PELI2: variants seen among roughly 807,000 people sequenced by gnomAD.
PELI2 encodes pellino E3 ubiquitin protein ligase family member 2.
In PELI2, 23 loss-of-function variants were observed where a neutral mutation model predicts 42.3. That is an observed-to-expected ratio of 0.54 (90% CI 0.39 to 0.77). The LOEUF is 0.77. Ranked by LOEUF, PELI2 falls within the 30% of genes least tolerant of loss-of-function variation. The pLI is 0.00. For missense variants in PELI2, 463 were observed against 553.2 expected (o/e 0.84, Z 1.64); for synonymous variants, 245 against 212.2 (o/e 1.15, Z -1.34).
chr14:56,123,467 T>C (rs1279098175), intron 1 of PELI2, among the ~76,000 whole-genome samples: 1 of 152,208 alleles, frequency 6.6e-6, no homozygotes, highest in Non-Finnish European at 1.5e-5. Context: ...TCTGTTTGTG[T>C]GGATGGAGTG....
At chr14:56,157,629 AG>A (rs1884615710) in intron 1 of PELI2, among the ~76,000 whole-genome samples, 2 of 152,236 alleles carry the variant, frequency 1.3e-5, no homozygotes, top group African/African-American at 4.8e-5. Flanking sequence ...ATAGCAATTA[AG>A]TATCTCCTTA....
intron 2 of PELI2, among the ~76,000 whole-genome samples, chr14:56,231,437 A>T (rs1322282574): frequency 6.6e-6 from 1 of 152,222 alleles, no homozygotes; most frequent in Non-Finnish European, 1.5e-5. Flanking sequence ...TCAAATTAGA[A>T]CTCAGGATTA....
intron 2 of PELI2, among the ~76,000 whole-genome samples, chr14:56,230,123 A>T (rs564787931): frequency 2.0e-5 from 3 of 152,362 alleles, no homozygotes; most frequent in Non-Finnish European, 4.4e-5. Flanking sequence ...TCCATTTCTG[A>T]TTGGTGTACG....
At chr14:56,255,166 A>G (rs932698650) in intron 2 of PELI2, among the ~76,000 whole-genome samples, 3 of 152,214 alleles carry the variant, frequency 2.0e-5, no homozygotes, top group East Asian at 1.9e-4. Flanking sequence ...AAGTCATTCT[A>G]CTATAAAGAC....
chr14:56,295,903 C>A (rs1168138552), intron 5 of PELI2, among the ~76,000 whole-genome samples: 1 of 152,206 alleles, frequency 6.6e-6, no homozygotes, highest in Non-Finnish European at 1.5e-5. Context: ...TTTTATTGGC[C>A]TTTGGTACCT....
At chr14:56,232,512 A>G (rs1454702842) in intron 2 of PELI2, among the ~76,000 whole-genome samples, 1 of 152,180 alleles carries the variant, frequency 6.6e-6, no homozygotes, top group East Asian at 1.9e-4. Flanking sequence ...CAAAAAGCAC[A>G]TGATTATCTC....
intron 1 of PELI2, among the ~76,000 whole-genome samples, chr14:56,175,554 C>T (rs1359268350): frequency 1.3e-5 from 2 of 152,148 alleles, no homozygotes; most frequent in Non-Finnish European, 1.5e-5. Flanking sequence ...CTCATGGTGA[C>T]ACTGGTTTTT....
chr14:56,189,213 G>T (rs930298689), intron 2 of PELI2, among the ~76,000 whole-genome samples: 3 of 152,160 alleles, frequency 2.0e-5, no homozygotes, highest in Non-Finnish European at 2.9e-5. Context: ...CCAGGTTATT[G>T]TACAGTAACA....
chr14:56,137,210 T>TG (rs1555342517), intron 1 of PELI2, among the ~76,000 whole-genome samples: 3 of 151,802 alleles, frequency 2.0e-5, no homozygotes, highest in Non-Finnish European at 4.4e-5. Context: ...CTTTTTTTTT[T>TG]GTCTTAGAAG....
At chr14:56,168,395 T>C (rs1420167734) in intron 1 of PELI2, among the ~76,000 whole-genome samples, 1 of 152,178 alleles carries the variant, frequency 6.6e-6, no homozygotes, top group Admixed American at 6.5e-5. Flanking sequence ...AAGGTGCAGT[T>C]CTTCCTGTTC....
chr14:56,131,924 G>A (rs1291410107), intron 1 of PELI2, among the ~76,000 whole-genome samples: 5 of 152,164 alleles, frequency 3.3e-5, no homozygotes, highest in Non-Finnish European at 7.3e-5. Flanking sequence ...TAATCGTGCC[G>A]AGTTCAGGAG....
intron 2 of PELI2, among the ~76,000 whole-genome samples, chr14:56,254,230 C>T (rs1888448459): frequency 6.6e-6 from 1 of 152,152 alleles, no homozygotes; most frequent in South Asian, 2.1e-4. Flanking sequence ...GAAACCCCGT[C>T]TCTACCAAAT....
In PELI2 at chr14:56,126,609, C is replaced by T. The variant is rs763241088; in HGVS notation, c.77+7872C>T. Among the ~76,000 whole-genome samples, 7 of 152,136 alleles carry T rather than the reference C, an allele frequency of 4.6e-5. No homozygotes were observed. In the East Asian group the frequency reaches 5.8e-4, roughly 13 times the overall value. On this transcript the variant is annotated intron_variant, in intron 1 of 5. Coordinates refer to ENST00000267460, the MANE Select transcript of PELI2 (RefSeq NM_021255.3). ...GGCTGATCGTGATTACCAAGTGCCT[C>T]GGAGGACCTCGGTGGCCCCCCTCCT...
At chr14:56,205,238 G>A (rs902537780) in intron 2 of PELI2, among the ~76,000 whole-genome samples, 7 of 152,096 alleles carry the variant, frequency 4.6e-5, no homozygotes, top group African/African-American at 1.4e-4. Context: ...ACTGTGAGGT[G>A]GGAGGCAGTG....
chr14:56,163,842 AT>A (rs1884855877), intron 1 of PELI2, among the ~76,000 whole-genome samples: 1 of 152,046 alleles, frequency 6.6e-6, no homozygotes, highest in Non-Finnish European at 1.5e-5. Flanking sequence ...TACGTTTAAA[AT>A]TTCTTTTTCA....
At chr14:56,142,436 G>A (rs935277563) in intron 1 of PELI2, among the ~76,000 whole-genome samples, 2 of 152,136 alleles carry the variant, frequency 1.3e-5, no homozygotes, top group Non-Finnish European at 2.9e-5. Flanking sequence ...AGCTCCCTGC[G>A]TGGGGACAAC....
intron 2 of PELI2, among the ~76,000 whole-genome samples, chr14:56,200,550 A>G (rs544003216): frequency 9.4e-4 from 143 of 152,368 alleles, no homozygotes; most frequent in Non-Finnish European, 1.3e-3. Flanking sequence ...ACGACCAAGA[A>G]GGAAGGAAAT....
chr14:56,181,496 A>G (rs1343767373), intron 2 of PELI2, among the ~76,000 whole-genome samples: 2 of 152,076 alleles, frequency 1.3e-5, no homozygotes, highest in Admixed American at 6.6e-5. Context: ...ATGAAAGTTC[A>G]TCTTTGATTG....
chr14:56,130,588 T>C (rs546347726), intron 1 of PELI2, among the ~76,000 whole-genome samples: 1 of 152,296 alleles, frequency 6.6e-6, no homozygotes, highest in African/African-American at 2.4e-5. Flanking sequence ...TTTTGGGAAG[T>C]TGCCCACATA....
Sources: allele counts gnomAD v4.1 joint callset (sites outside exome capture counted in the v4.1 genomes callset), GRCh38; gene constraint gnomAD v4.1.1; transcripts MANE v1.5; gene names NCBI Gene and HGNC (gene_info 2026-07-23, HGNC 2026-07-21).